The following TIAM1 variants were observed in gnomAD, a reference collection of about 807,000 sequenced individuals.
TIAM1 encodes the protein TIAM Rac1 associated GEF 1.
A neutral mutation model predicts 163.5 loss-of-function variants in TIAM1; 65 were observed. That is an observed-to-expected ratio of 0.40 (90% CI 0.33 to 0.49). The LOEUF (loss-of-function observed/expected upper bound fraction) is 0.49, where lower values mean the gene tolerates loss of function less well. TIAM1 is among the 20% of genes least tolerant of loss of function. The probability of loss-of-function intolerance (pLI) is 0.77; values close to 1 mark genes in which losing one functional copy is unlikely to be tolerated. For synonymous variants in TIAM1, 833 were observed against 810.1 expected (o/e 1.03, Z -0.48); for missense variants, 1,789 against 2,044.7 (o/e 0.87, Z 2.41).
intron 2 of TIAM1, among the ~76,000 whole-genome samples, chr21:31,459,423 G>C (rs1447085553): frequency 6.6e-6 from 1 of 152,182 alleles, no homozygotes; most frequent in Non-Finnish European, 1.5e-5. Flanking sequence ...AACCAACTGA[G>C]AGGCAACTGC....
chr21:31,483,493 T>G (rs2046179494), intron 1 of TIAM1, among the ~76,000 whole-genome samples: 1 of 152,118 alleles, frequency 6.6e-6, no homozygotes, highest in African/African-American at 2.4e-5. Context: ...GACTCATTTT[T>G]TGCTATGTGG....
At chr21:31,290,097 C>T (rs1013568452) in intron 2 of TIAM1, among the ~76,000 whole-genome samples, 40 of 152,132 alleles carry the variant, frequency 2.6e-4, no homozygotes, top group African/African-American at 9.7e-4. Context: ...AAGTACTGTT[C>T]AAATACATTA....
At chr21:31,232,923 C>T (rs959835517) in intron 6 of TIAM1, among the ~76,000 whole-genome samples, 4 of 151,720 alleles carry the variant, frequency 2.6e-5, no homozygotes, top group Admixed American at 6.6e-5. Context: ...GTATACAGTT[C>T]GGTGAAGGGA....
chr21:31,173,370 GGA>G, intron 15 of TIAM1, among the ~76,000 whole-genome samples: 1 of 152,124 alleles, frequency 6.6e-6, no homozygotes, highest in Non-Finnish European at 1.5e-5. Context: ...ATATTTAGCT[GGA>G]ACTCAACTGT....
chr21:31,381,120 T>G (rs913479094), intron 2 of TIAM1, among the ~76,000 whole-genome samples: 4 of 152,184 alleles, frequency 2.6e-5, no homozygotes, highest in Non-Finnish European at 5.9e-5. Context: ...GTCCCTTTCT[T>G]CTATTAGATT....
At chr21:31,279,051 T>TA (rs1182078933) in intron 2 of TIAM1, among the ~76,000 whole-genome samples, 1 of 152,012 alleles carries the variant, frequency 6.6e-6, no homozygotes, top group Non-Finnish European at 1.5e-5. Context: ...TTCTATACTT[T>TA]AAAAAAATTA....
At chr21:31,166,945 G>A (rs906192278) in intron 15 of TIAM1, among the ~76,000 whole-genome samples, 2 of 152,132 alleles carry the variant, frequency 1.3e-5, no homozygotes, top group East Asian at 1.9e-4. Context: ...TCACACTGTG[G>A]TCTGCAGAAT....
intron 15 of TIAM1, among the ~76,000 whole-genome samples, chr21:31,166,560 G>A (rs1464906892): frequency 6.6e-6 from 1 of 152,222 alleles, no homozygotes; most frequent in Admixed American, 6.5e-5. Context: ...CCAACTAAGT[G>A]AGTGTACCCT....
At chr21:31,441,028 T>C (rs2044400677) in intron 2 of TIAM1, among the ~76,000 whole-genome samples, 1 of 152,092 alleles carries the variant, frequency 6.6e-6, no homozygotes, top group Non-Finnish European at 1.5e-5. Context: ...TCTCAGTGGG[T>C]TCCCAGAGCA....
intron 2 of TIAM1, among the ~76,000 whole-genome samples, chr21:31,357,166 T>C (rs2076329399): frequency 6.6e-6 from 1 of 152,180 alleles, no homozygotes; most frequent in Admixed American, 6.5e-5. Context: ...GAAGAAAGCA[T>C]GCAAACATGT....
At chr21:31,357,873 C>T (rs2076342024) in intron 2 of TIAM1, among the ~76,000 whole-genome samples, 2 of 152,222 alleles carry the variant, frequency 1.3e-5, no homozygotes, top group Non-Finnish European at 2.9e-5. Flanking sequence ...TCTTCAATTG[C>T]TTCCAAGACA....
intron 26 of TIAM1, among the ~76,000 whole-genome samples, chr21:31,125,406 C>T (rs1364729016): frequency 2.0e-5 from 3 of 152,036 alleles, no homozygotes; most frequent in South Asian, 2.1e-4. Context: ...CCAAAATAGA[C>T]GGTAAAGGTG....
rs2074968264 is a variant in TIAM1 at position 31,312,513 on chromosome 21, A to G, written c.-189+26730T>C. ...TCTAAAAAAGACCCTCCTTGTTCAC[A>G]AAACACTTTCCCTAACCAAAAATTT... is the stretch of plus-strand genomic sequence containing the variant. On this transcript the variant is annotated intron_variant, in intron 2 of 27. Transcript: ENST00000541036. Among the ~76,000 whole-genome samples, 3 of 152,326 alleles carry G rather than the reference A, an allele frequency of 2.0e-5. No homozygotes were observed. In the South Asian group the frequency reaches 6.2e-4, roughly 32 times the overall value.
At chr21:31,416,463 C>T (rs559678561) in intron 2 of TIAM1, among the ~76,000 whole-genome samples, 3 of 152,240 alleles carry the variant, frequency 2.0e-5, no homozygotes, top group African/African-American at 7.2e-5. Context: ...TCTTTTATCC[C>T]TTACCCCCTT....
chr21:31,375,796 A>G (rs2076673683), intron 2 of TIAM1, among the ~76,000 whole-genome samples: 1 of 152,178 alleles, frequency 6.6e-6, no homozygotes. Flanking sequence ...TGGGAGGCTG[A>G]GGCAGGAGGA....
chr21:31,295,578 T>C (rs2074227351), intron 2 of TIAM1, among the ~76,000 whole-genome samples: 1 of 150,334 alleles, frequency 6.7e-6, no homozygotes, highest in South Asian at 2.1e-4. Flanking sequence ...TTAGGTGCCA[T>C]ACGATAAACT....
intron 1 of TIAM1, among the ~76,000 whole-genome samples, chr21:31,470,318 G>C (rs1379445858): frequency 1.4e-5 from 2 of 146,074 alleles, no homozygotes; most frequent in Non-Finnish European, 3.0e-5. Context: ...AACTTCAAAT[G>C]TTATTTATTT....
intron 16 of TIAM1, among the ~76,000 whole-genome samples, chr21:31,160,170 G>A (rs2083841001): frequency 6.6e-6 from 1 of 152,108 alleles, no homozygotes. Context: ...AAAAAATGCA[G>A]ATTACATCTT....
chr21:31,485,535 G>A (rs2046244361), intron 1 of TIAM1, among the ~76,000 whole-genome samples: 1 of 152,180 alleles, frequency 6.6e-6, no homozygotes, highest in Non-Finnish European at 1.5e-5. Context: ...TGGGATAACA[G>A]ATCAAAATTC....
Sources: allele counts gnomAD v4.1 joint callset (sites outside exome capture counted in the v4.1 genomes callset), GRCh38; gene constraint gnomAD v4.1.1; transcripts MANE v1.5; gene names NCBI Gene and HGNC (gene_info 2026-07-23, HGNC 2026-07-21).